MEGF10: variants seen among roughly 807,000 people sequenced by gnomAD.
MEGF10 encodes the protein multiple EGF like domains 10, also known as multiple epidermal growth factor-like domains protein 10.
Under a neutral mutation model 147.5 loss-of-function variants are expected in MEGF10, and 86 were observed. The ratio of observed to expected loss-of-function variants is 0.58; its 90% confidence interval spans 0.49 to 0.70. The LOEUF (loss-of-function observed/expected upper bound fraction) is 0.70. MEGF10 is among the 30% of genes least tolerant of loss of function. MEGF10 has a pLI of 0.00. For synonymous variants in MEGF10, 478 were observed against 525.5 expected (o/e 0.91, Z 1.24); for missense variants, 1,329 against 1,487.3 (o/e 0.89, Z 1.75).
chr5:127,232,334 C>T, the MEGF10 span, among the ~76,000 whole-genome samples: 1 of 152,292 alleles, frequency 6.6e-6, no homozygotes, highest in East Asian at 1.9e-4. Flanking sequence ...CCTCATTTTG[C>T]TTAAATTTTA....
chr5:127,278,902 G>C, the MEGF10 span, among the ~76,000 whole-genome samples: 1 of 152,284 alleles, frequency 6.6e-6, no homozygotes, highest in African/African-American at 2.4e-5. Context: ...GTTATAATTG[G>C]GTTGCTGGGT....
chr5:127,292,208 T>C (rs1013775699), intron 1 of MEGF10, among the ~76,000 whole-genome samples: 2 of 152,192 alleles, frequency 1.3e-5, no homozygotes, highest in Admixed American at 1.3e-4. Flanking sequence ...TGGTAAACTC[T>C]GGGCACCCGC....
chr5:127,244,065 G>A, the MEGF10 span, among the ~76,000 whole-genome samples: 8 of 151,718 alleles, frequency 5.3e-5, no homozygotes, highest in East Asian at 1.6e-3. Context: ...GCATGGTGGT[G>A]CATGCCTGTA....
intron 1 of MEGF10, among the ~76,000 whole-genome samples, chr5:127,300,967 CCTT>C (rs761856659): frequency 5.3e-5 from 8 of 152,236 alleles, no homozygotes; most frequent in Middle Eastern, 3.2e-3. Context: ...TTTCCACCCT[CCTT>C]TCACTCATTT....
At position 127,426,588 on chromosome 5, in the gene MEGF10, C is replaced by G. The variant is rs6595772; in HGVS notation, c.1693+3816C>G. ...TCTGGTACACACACACACTCTCTCTCTCTCTCTGCTATAAAATGAGGCTCG... is the reference window on the plus strand; with the variant it reads ...TCTGGTACACACACACACTCTCTCTGTCTCTCTGCTATAAAATGAGGCTCG... On this transcript the variant is annotated intron_variant, in intron 13 of 24. Transcript: ENST00000503335. Among the ~76,000 whole-genome samples the G allele has an allele frequency of 5.1e-3, 784 of 152,300 alleles. 10 individuals carry two copies. The highest frequency in any genetic ancestry group is 0.018 in the African/African-American group (748 of 41,546).
the MEGF10 span, among the ~76,000 whole-genome samples, chr5:127,277,819 G>C: frequency 6.6e-6 from 1 of 152,174 alleles, no homozygotes; most frequent in Non-Finnish European, 1.5e-5. Context: ...ATGACACCAA[G>C]GTTTTTGATA....
At chr5:127,391,524 C>G (rs938694244) in intron 5 of MEGF10, among the ~76,000 whole-genome samples, 1 of 150,392 alleles carries the variant, frequency 6.6e-6, no homozygotes. Context: ...GAGTCAAGAT[C>G]GCACCACTGC....
Position 127,340,519 on chromosome 5 carries a change from C to T in MEGF10, c.219-11C>T, listed in dbSNP as rs1428282010. On this transcript the variant is annotated splice_polypyrimidine_tract_variant and intron_variant, in intron 3 of 24. Transcript: ENST00000503335. ...TATTATGTTTAATAGCTAATTTTTC[C>T]TTCTCTATAGAGTCAGCTATCGGAC... The T allele has an allele frequency of 1.5e-5, 24 of 1,603,376 alleles. No homozygotes were observed. Among genetic ancestry groups the T allele is most frequent in the African/African-American group, 1.5e-4 (11 of 74,380 alleles).
chr5:127,422,601 G>C, intron 12 of MEGF10, 69 bp from the exon 13 acceptor site: 1 of 1,193,326 alleles, frequency 8.4e-7, no homozygotes, highest in Non-Finnish European at 1.3e-6. Context: ...GCTGACAGTG[G>C]CCTTTTCCTC....
At chr5:127,354,209 A>G (rs1762194504) in intron 4 of MEGF10, among the ~76,000 whole-genome samples, 2 of 152,216 alleles carry the variant, frequency 1.3e-5, no homozygotes, top group African/African-American at 4.8e-5. Context: ...GTCATGCTTC[A>G]GAAAACAATG....
chr5:127,392,908 A>G (rs188831436), intron 5 of MEGF10, among the ~76,000 whole-genome samples: 3 of 152,218 alleles, frequency 2.0e-5, no homozygotes, highest in Admixed American at 6.5e-5. Flanking sequence ...AAGCCATTCC[A>G]TGAAATATCT....
chr5:127,433,780 A>G (rs1345551024), intron 14 of MEGF10, among the ~76,000 whole-genome samples: 1 of 152,230 alleles, frequency 6.6e-6, no homozygotes, highest in Non-Finnish European at 1.5e-5. Flanking sequence ...ATCAGGATAT[A>G]TTTCTTCACC....
At chr5:127,309,696 G>A (rs986962822) in intron 1 of MEGF10, among the ~76,000 whole-genome samples, 1 of 152,082 alleles carries the variant, frequency 6.6e-6, no homozygotes, top group African/African-American at 2.4e-5. Context: ...TTCATTAATG[G>A]ACATATGTGT....
chr5:127,363,624 G>C (rs1216872766), intron 4 of MEGF10, among the ~76,000 whole-genome samples: 2 of 152,174 alleles, frequency 1.3e-5, no homozygotes, highest in Non-Finnish European at 2.9e-5. Flanking sequence ...GTAAGATTCT[G>C]TTAATAAAGG....
At chr5:127,439,861 G>A (rs1250801716) in intron 17 of MEGF10, among the ~76,000 whole-genome samples, 9 of 152,156 alleles carry the variant, frequency 5.9e-5, no homozygotes, top group East Asian at 1.9e-4. Flanking sequence ...ACAAGAGAAC[G>A]CATGAAAAGA....
chr5:127,326,074 C>G (rs906914025), intron 1 of MEGF10, among the ~76,000 whole-genome samples: 2 of 151,062 alleles, frequency 1.3e-5, no homozygotes, highest in African/African-American at 2.4e-5. Flanking sequence ...TGCCACCAAG[C>G]CTGGCTAATT....
intron 5 of MEGF10, 63 bp downstream of exon 5, chr5:127,370,065 C>A: frequency 8.0e-7 from 1 of 1,255,864 alleles, no homozygotes; most frequent in Non-Finnish European, 1.2e-6. Flanking sequence ...TCCTTGTCTG[C>A]AGATGACCCT....
At chr5:127,320,478 A>G (rs1271846890) in intron 1 of MEGF10, among the ~76,000 whole-genome samples, 1 of 146,832 alleles carries the variant, frequency 6.8e-6, no homozygotes, top group African/African-American at 2.4e-5. Flanking sequence ...TACCACAGGA[A>G]GTGGTGTTGC....
chr5:127,260,713 T>A, the MEGF10 span, among the ~76,000 whole-genome samples: 1 of 152,118 alleles, frequency 6.6e-6, no homozygotes, highest in African/African-American at 2.4e-5. Flanking sequence ...AGAATTTAGT[T>A]AGGAAAACAA....
Sources: gnomAD v4.1 joint callset for allele counts (sites outside exome capture counted in the v4.1 genomes callset) on GRCh38, gnomAD v4.1.1 for gene constraint, MANE v1.5 for transcripts, NCBI Gene and HGNC (gene_info 2026-07-23, HGNC 2026-07-21) for gene names.